The following NTRK3 variants were observed in gnomAD, a reference collection of about 807,000 sequenced individuals.
NTRK3 encodes the protein NT-3 growth factor receptor.
Under a neutral mutation model 91.7 loss-of-function variants are expected in NTRK3, and 24 were observed. The ratio of observed to expected loss-of-function variants is 0.26; its 90% CI spans 0.19 to 0.37. The LOEUF is 0.37. Ranked by LOEUF, NTRK3 falls within the 10% of genes least tolerant of loss-of-function variation. The pLI, the probability that NTRK3 is intolerant of heterozygous loss-of-function variation, is 1.00. For synonymous variants in NTRK3, 483 were observed against 404.0 expected, an observed-to-expected ratio of 1.20 and a Z score of -2.34; for missense variants, 880 against 1,068.9, an observed-to-expected ratio of 0.82 and a Z score of 2.46.
At position 87,921,462 on chromosome 15, in the gene NTRK3, C is replaced by T. The variant is rs148344965; in HGVS notation, c.2133+7729G>A. ...ATGCCTAGCTGCTAATCCTTTATCA[C>T]CAGTTAAGCTAGGGGTCAAGCCTCC... On this transcript the variant is annotated intron_variant, in intron 17 of 18. Transcript: ENST00000394480. Among the ~76,000 whole-genome samples the T allele has an allele frequency of 4.7e-3, 717 of 152,244 alleles. 7 individuals are homozygous for T. Among genetic ancestry groups the T allele is most frequent in the African/African-American group, 0.014 (588 of 41,544 alleles).
At chr15:88,219,152 G>A (rs945949034) in intron 3 of NTRK3, among the ~76,000 whole-genome samples, 22 of 152,246 alleles carry the variant, frequency 1.4e-4, no homozygotes, top group African/African-American at 4.6e-4. Context: ...GATGGCACCC[G>A]CCTGGGCAGA....
chr15:87,877,408 C>T (rs1411825489), intron 18 of NTRK3, among the ~76,000 whole-genome samples: 2 of 152,088 alleles, frequency 1.3e-5, no homozygotes, highest in African/African-American at 4.8e-5. Flanking sequence ...TTCTCTTTTA[C>T]CTCACTTTTC....
intron 17 of NTRK3, among the ~76,000 whole-genome samples, chr15:87,888,284 C>T (rs1409697041): frequency 2.0e-5 from 3 of 152,162 alleles, no homozygotes; most frequent in Non-Finnish European, 2.9e-5. Flanking sequence ...ACTCCTGGTA[C>T]ACTACGGATC....
At chr15:87,976,615 T>C (rs926320252) in intron 14 of NTRK3, among the ~76,000 whole-genome samples, 5 of 152,276 alleles carry the variant, frequency 3.3e-5, no homozygotes, top group African/African-American at 1.2e-4. Context: ...GCATTTCAAC[T>C]CTTCTAGCTG....
rs530361211 is a variant in NTRK3, at chr15:88,045,768, C to T, written c.1397-12723G>A. 2.6e-5 allele frequency among the ~76,000 whole-genome samples: 4 copies of T among 152,340 alleles called. No individual in the cohort carries two copies. The East Asian group carries it at 7.7e-4, about 29-fold the overall frequency. ...CTTGTCATTCCTTGGCATGTTAATG[C>T]ATCACTCTGACCTCTGTCATCATGT... On this transcript the variant is annotated intron_variant, in intron 13 of 18. Coordinates refer to ENST00000394480, the Ensembl canonical transcript of NTRK3.
rs546219911 is a variant in NTRK3, at chr15:87,985,627, G to C, written c.1586-44874C>G. ...CCCGCATGCCACGGTTGCCAAGTCT[G>C]GTTCCAGCTGTGTGCAGATGCTCAG... On this transcript the variant is annotated intron_variant, in intron 14 of 18. Transcript: ENST00000394480. Among the ~76,000 whole-genome samples, 3 of 152,250 alleles carry C rather than the reference G, an allele frequency of 2.0e-5. No individual in the cohort carries two copies. In the South Asian group the frequency reaches 6.2e-4, roughly 32 times the overall value.
intron 5 of NTRK3, among the ~76,000 whole-genome samples, chr15:88,183,017 C>CT: frequency 7.7e-6 from 1 of 130,468 alleles, no homozygotes; most frequent in East Asian, 2.7e-4. Flanking sequence ...TTGCAACCCC[C>CT]CCCCGCCCCC....
exon 19 of NTRK3, chr15:87,866,522 T>C (rs901859555): frequency 5.9e-6 from 1 of 170,798 alleles, no homozygotes; most frequent in Non-Finnish European, 1.3e-5. Flanking sequence ...ATTATTTTAA[T>C]ATGTATATAT....
intron 17 of NTRK3, among the ~76,000 whole-genome samples, chr15:87,909,371 G>A (rs1036196619): frequency 3.3e-5 from 5 of 152,176 alleles, no homozygotes; most frequent in Admixed American, 6.5e-5. Flanking sequence ...AGAGACAAGA[G>A]ACACAGTCTC....
chr15:87,904,638 G>A (rs940945947), intron 17 of NTRK3, among the ~76,000 whole-genome samples: 3 of 152,148 alleles, frequency 2.0e-5, no homozygotes, highest in African/African-American at 7.2e-5. Flanking sequence ...TCTAAGGCAT[G>A]GGTATTATTC....
intron 5 of NTRK3, among the ~76,000 whole-genome samples, chr15:88,176,423 C>T (rs2046004222): frequency 6.6e-6 from 1 of 152,212 alleles, no homozygotes; most frequent in Non-Finnish European, 1.5e-5. Flanking sequence ...GCGTGAGCCA[C>T]TGTGCCCGGC....
In NTRK3 at chr15:88,031,846, G is replaced by A. The variant is rs548775516; in HGVS notation, c.1585+1011C>T. Among the ~76,000 whole-genome samples the A allele has an allele frequency of 7.9e-4, 121 of 152,270 alleles. 1 individual carries two copies. Among genetic ancestry groups the A allele is most frequent in the African/African-American group, 2.9e-3 (120 of 41,562 alleles). ...CAAGTACAGAGAGCTCTGCCCAGGG[G>A]CTGAGCAAGACCAAAAAGCGCCTCT... On this transcript the variant is annotated intron_variant, in intron 14 of 18. Coordinates refer to ENST00000394480, the Ensembl canonical transcript of NTRK3.
chr15:88,151,970 A>C (rs2043419838), intron 5 of NTRK3, among the ~76,000 whole-genome samples: 1 of 152,092 alleles, frequency 6.6e-6, no homozygotes, highest in Admixed American at 6.5e-5. Flanking sequence ...TTTCTGTTGT[A>C]ATGTACTGAA....
intron 3 of NTRK3, among the ~76,000 whole-genome samples, chr15:88,208,394 A>C (rs2048967521): frequency 6.6e-6 from 1 of 152,170 alleles, no homozygotes; most frequent in Non-Finnish European, 1.5e-5. Flanking sequence ...AAAGGAAATA[A>C]GATTCACAGT....
At chr15:88,037,868 C>G (rs2079207687) in intron 13 of NTRK3, among the ~76,000 whole-genome samples, 1 of 152,086 alleles carries the variant, frequency 6.6e-6, no homozygotes, top group South Asian at 2.1e-4. Context: ...ATTATTTTCC[C>G]CATTTTAAAG....
chr15:88,256,006 C>A lies in NTRK3; in HGVS notation c.148G>T (p.Asp50Tyr), dbSNP rs907290552. The A allele has an allele frequency of 1.1e-5, 17 of 1,613,488 alleles. No homozygotes were observed. The Admixed American group carries it at 2.2e-4, about 21-fold the overall frequency. Residue 50 changes from aspartate to tyrosine, a missense_variant, in exon 3 of 19, where the codon GAT (aspartate) becomes TAT (tyrosine). Physicochemically the swap from Asp to Tyr is radical, Grantham distance 160. Transcript: ENST00000394480. ...TCCAGGAGGGGGAAGAGGTTCCCATCGTCCGGCCGCCGGCAATTGATCTCA... is the reference window on the plus strand; with the variant it reads ...TCCAGGAGGGGGAAGAGGTTCCCATAGTCCGGCCGCCGGCAATTGATCTCA...
rs529104078 is a variant in NTRK3, at chr15:88,223,233, C to G, written c.248+32673G>C. ...ATCAGCCGAGTGGAATGTCCTTGAC[C>G]AGCCGGCCAGGGCAAAGCATCACAC... is the stretch of plus-strand genomic sequence containing the variant. On this transcript the variant is annotated intron_variant, in intron 3 of 18. Coordinates refer to ENST00000394480, the Ensembl canonical transcript of NTRK3. Among the ~76,000 whole-genome samples, 12 of 152,380 alleles carry G rather than the reference C, an allele frequency of 7.9e-5. No homozygotes were observed. The South Asian group carries it at 2.5e-3, about 32-fold the overall frequency.
At chr15:87,971,281 G>A (rs2073232972) in intron 14 of NTRK3, among the ~76,000 whole-genome samples, 1 of 152,168 alleles carries the variant, frequency 6.6e-6, no homozygotes, top group African/African-American at 2.4e-5. Context: ...AGGCCTCAGT[G>A]AGGAGCTATG....
intron 17 of NTRK3, among the ~76,000 whole-genome samples, chr15:87,907,656 G>A (rs1260992264): frequency 6.6e-6 from 1 of 152,146 alleles, no homozygotes; most frequent in East Asian, 1.9e-4. Flanking sequence ...CAGAACTTGT[G>A]TCTTCTTAGT....
Sources: allele counts gnomAD v4.1 joint callset (sites outside exome capture counted in the v4.1 genomes callset), GRCh38; gene constraint gnomAD v4.1.1; transcripts MANE v1.5; gene names NCBI Gene and HGNC (gene_info 2026-07-23, HGNC 2026-07-21).